PAQR9: variants seen among roughly 807,000 people sequenced by gnomAD.
The protein encoded by PAQR9 is progestin and adipoQ receptor family member 9, also known as membrane progestin receptor epsilon.
A neutral mutation model predicts 24.0 loss-of-function variants in PAQR9; 12 were observed. The ratio of observed to expected loss-of-function variants is 0.50; its 90% CI spans 0.32 to 0.81. The LOEUF is 0.81. PAQR9 is among the 30% of genes least tolerant of loss of function. The pLI is 0.03. For synonymous variants in PAQR9, 266 were observed against 237.6 expected, an observed-to-expected ratio of 1.12 and a Z score of -1.10; for missense variants, 418 against 520.8, an observed-to-expected ratio of 0.80 and a Z score of 1.92.
chr3:142,953,085 G>A (rs977450578), downstream of PAQR9, among the ~76,000 whole-genome samples: 2 of 152,192 alleles, frequency 1.3e-5, no homozygotes, highest in Admixed American at 1.3e-4. Flanking sequence ...AGCTTGTGGA[G>A]GCCTTGGCCA....
At chr3:142,953,893 T>C (rs1040582849), downstream of PAQR9, among the ~76,000 whole-genome samples, 3 of 152,164 alleles carry the variant, frequency 2.0e-5, no homozygotes, top group African/African-American at 4.8e-5. Context: ...AAGCTGACCA[T>C]GGCTCATCTG....
downstream of PAQR9, among the ~76,000 whole-genome samples, chr3:142,954,472 G>GTT (rs976376341): frequency 2.0e-5 from 3 of 152,080 alleles, no homozygotes; most frequent in Non-Finnish European, 4.4e-5. Context: ...AAAGGGTAAT[G>GTT]TTTTTTCTTA....
Position 142,956,208 on chromosome 3 carries a change from T to C in PAQR9, c.*5995A>G, listed in dbSNP as rs2108239854. On this transcript the variant is annotated 3_prime_UTR_variant, in exon 1 of 1. Transcript: ENST00000340634. ...AATGAAATTGTGTCCCCATGCTTTATCTAGAAACAAGAGTTTATTTACACA... is the reference window on the plus strand; with the variant it reads ...AATGAAATTGTGTCCCCATGCTTTACCTAGAAACAAGAGTTTATTTACACA... 6.6e-6 allele frequency among the ~76,000 whole-genome samples: 1 copy of C among 152,358 alleles called. No individual in the cohort carries two copies. The highest frequency in any genetic ancestry group is 1.9e-4 in the East Asian group (1 of 5,188).
In PAQR9 at chr3:142,959,478, AT is replaced by A. The variant is rs974445529; in HGVS notation, c.*2724del. Among the ~76,000 whole-genome samples, 11 of 152,218 alleles carry A rather than the reference AT, an allele frequency of 7.2e-5. No homozygotes were observed. The highest frequency in any genetic ancestry group is 2.4e-4 in the African/African-American group (10 of 41,452). On this transcript the variant is annotated 3_prime_UTR_variant, in exon 1 of 1. Coordinates refer to ENST00000340634, the MANE Select transcript of PAQR9 (RefSeq NM_198504.4). ...ACTAGAATGTCCTCTTGTCATTATT[AT>A]ATGTGGTCTACAAAATCTAAGATGG...
chr3:142,955,703 A>C lies in PAQR9; in HGVS notation c.*6500T>G, dbSNP rs1934781861. ...GGTACTCAGTTGATTGGCGAGAATA[A>C]TTTTGTTCATAGCCTCCAGAAAAGA... On this transcript the variant is annotated 3_prime_UTR_variant, in exon 1 of 1. Transcript: ENST00000340634. Among the ~76,000 whole-genome samples, 1 of 152,160 alleles carries C rather than the reference A, an allele frequency of 6.6e-6. No individual in the cohort carries two copies. The highest frequency in any genetic ancestry group is 1.5e-5 in the Non-Finnish European group (1 of 68,030).
downstream of PAQR9, among the ~76,000 whole-genome samples, chr3:142,952,442 T>C (rs2108237914): frequency 6.6e-6 from 1 of 152,292 alleles, no homozygotes. Flanking sequence ...GGCTCAGTCA[T>C]GGTGGGATGG....
In PAQR9 at chr3:142,958,044, C is replaced by T. The variant is rs575801625; in HGVS notation, c.*4159G>A. 6.6e-5 allele frequency among the ~76,000 whole-genome samples: 10 copies of T among 152,138 alleles called. No homozygotes were observed. The highest frequency in any genetic ancestry group is 2.4e-4 in the African/African-American group (10 of 41,424). On this transcript the variant is annotated 3_prime_UTR_variant, in exon 1 of 1. Transcript: ENST00000340634. ...AATGGCTGTAATAATACGGATGGGTCCTTGCCCAATGTCTTACACACAGTA... is the reference window on the plus strand; with the variant it reads ...AATGGCTGTAATAATACGGATGGGTTCTTGCCCAATGTCTTACACACAGTA...
rs897433072 is a variant in PAQR9 at position 142,961,952 on chromosome 3, C to T, written c.*251G>A. On this transcript the variant is annotated 3_prime_UTR_variant, in exon 1 of 1. Coordinates refer to ENST00000340634, the MANE Select transcript of PAQR9 (RefSeq NM_198504.4). ...AAATCCCTGGATGTCAAAGACATCA[C>T]CTGAATTTTTTCCAGGGGCAAGAAC... The T allele has an allele frequency of 2.1e-6, 1 of 486,336 alleles. No homozygotes were observed. Among genetic ancestry groups the T allele is most frequent in the Admixed American group, 3.7e-5 (1 of 27,202 alleles). The allele number at this position is 486,336 out of a possible 1,614,324, so 30.1% of individuals were successfully genotyped here. A position where few individuals can be genotyped will look rare whatever the true frequency, so the allele number is the denominator to read the frequency against.
rs755836455 is a variant in PAQR9 at position 142,963,024 on chromosome 3, A to G, written c.313T>C (p.Phe105Leu). 6.2e-7 allele frequency: 1 copy of G among 1,614,182 alleles called. No homozygotes were observed. The highest frequency in any genetic ancestry group is 8.5e-7 in the Non-Finnish European group (1 of 1,180,006). ...GGCACGTCGCCGCCGCTCAGGAAGA[A>G]CAGACGGCAGAACTTGCTCAGGAAC... ...LLFLSKFCRL[F>L]FLSGGDVPFH... Residue 105 changes from phenylalanine to leucine, a missense_variant, in exon 1 of 1, where the codon TTC becomes CTC. Physicochemically the swap from Phe to Leu is conservative, Grantham distance 22. This residue lies in a region of PAQR9 where 180 missense variants were observed against 190.3 expected (regional missense o/e 0.95). Coordinates refer to ENST00000340634, the MANE Select transcript of PAQR9 (RefSeq NM_198504.4).
At position 142,958,783 on chromosome 3, in the gene PAQR9, G is replaced by T. The variant is rs1336136077; in HGVS notation, c.*3420C>A. On this transcript the variant is annotated 3_prime_UTR_variant, in exon 1 of 1. Transcript: ENST00000340634. ...TTTCTCCCTGGGCTATTTATAGAAA[G>T]TGTATGGCTAGTGGAAAAGTTCACA... Among the ~76,000 whole-genome samples, 1 of 152,222 alleles carries T rather than the reference G, an allele frequency of 6.6e-6. No homozygotes were observed. The highest frequency in any genetic ancestry group is 1.5e-5 in the Non-Finnish European group (1 of 68,048).
In PAQR9 at chr3:142,955,476, A is replaced by AAC. The variant is rs1934777605; in HGVS notation, c.*6726_*6727insGT. 1.6e-5 allele frequency among the ~76,000 whole-genome samples: 2 copies of AAC among 125,934 alleles called. No homozygotes were observed. Among genetic ancestry groups the AAC allele is most frequent in the Non-Finnish European group, 3.3e-5 (2 of 61,160 alleles). 82.6% of individuals were successfully genotyped at this position (125,934 alleles called of 152,430 possible). ...AAAAAAAAAAAAAAAAAAAAAAAAA[A>AAC]AGCAGCCACAGAATCCTCCCCCAGC... is the stretch of plus-strand genomic sequence containing the variant. On this transcript the variant is annotated 3_prime_UTR_variant, in exon 1 of 1. Coordinates refer to ENST00000340634, the MANE Select transcript of PAQR9 (RefSeq NM_198504.4).
upstream of PAQR9, chr3:142,963,695 G>GCCT (rs1934965746): frequency 1.5e-6 from 1 of 670,964 alleles, no homozygotes; most frequent in African/African-American, 2.0e-5. Flanking sequence ...CGGTGCGGGT[G>GCCT]CCTCCGCCGC....
At chr3:142,952,054 G>T (rs1934722814), downstream of PAQR9, among the ~76,000 whole-genome samples, 1 of 149,022 alleles carries the variant, frequency 6.7e-6, no homozygotes. Flanking sequence ...AGAAGGGGGG[G>T]GGGTGTTGTT....
chr3:142,963,820 G>GA, upstream of PAQR9: 1 of 985,252 alleles, frequency 1.0e-6, no homozygotes, highest in Non-Finnish European at 1.2e-6. Flanking sequence ...CGCTTCGGGG[G>GA]ATAGAGTTGT....
chr3:142,962,887 G>T lies in PAQR9; in HGVS notation c.450C>A (p.Arg150=), dbSNP rs542854262. The T allele has an allele frequency of 6.2e-7, 1 of 1,613,748 alleles. No individual in the cohort carries two copies. Residue 150 remains arginine (R), a synonymous_variant, in exon 1 of 1, where the codon CGC becomes CGA. Coordinates refer to ENST00000340634, the MANE Select transcript of PAQR9 (RefSeq NM_198504.4). The part of the protein sequence containing the change: ...HVFSCLSLRL[R]AAFFYLDYAS... ...CGTAGTCCAGGTAGAAGAAGGCGGC[G>T]CGCAGACGCAGCGACAGGCAGCTGA...
chr3:142,963,142 A>C lies in PAQR9; in HGVS notation c.195T>G (p.Arg65=). Residue 65 remains arginine, a synonymous_variant, in exon 1 of 1, where the codon CGT becomes CGG. Coordinates refer to ENST00000340634, the MANE Select transcript of PAQR9 (RefSeq NM_198504.4). ...VECFILSGYR[R]LPCTAQECLA... The stretch of plus-strand genomic sequence containing the variant: ...GGCACTCCTGGGCCGTGCACGGCAG[A>C]CGCCGGTAGCCCGACAGGATGAAGC... 1 of 1,609,910 alleles carries C rather than the reference A, an allele frequency of 6.2e-7. No homozygotes were observed. The highest frequency in any genetic ancestry group is 8.5e-7 in the Non-Finnish European group (1 of 1,178,072).
At chr3:142,952,655 TG>T (rs1484727368), downstream of PAQR9, 8 of 409,230 alleles carry the variant, frequency 2.0e-5, no homozygotes, top group African/African-American at 4.1e-5. Context: ...TGAGTTACTT[TG>T]TTTGGCCCCA....
At chr3:142,951,252 C>A (rs147757791), downstream of PAQR9, among the ~76,000 whole-genome samples, 3 of 152,142 alleles carry the variant, frequency 2.0e-5, no homozygotes, top group East Asian at 5.8e-4. Flanking sequence ...GACATATATT[C>A]TAAGTATCCA....
At chr3:142,963,944 C>T (rs571359403), upstream of PAQR9, 40 of 949,050 alleles carry the variant, frequency 4.2e-5, no homozygotes, top group African/African-American at 6.7e-4. Flanking sequence ...GGCGCGCGCG[C>T]CGAGTACTAG....
Sources: gnomAD v4.1 joint callset for allele counts (sites outside exome capture counted in the v4.1 genomes callset) on GRCh38, gnomAD v4.1.1 for gene constraint, gnomAD v4.1.1 regional missense constraint, MANE v1.5 for transcripts, NCBI Gene and HGNC (gene_info 2026-07-23, HGNC 2026-07-21) for gene names.